Variants in LHFPL3 observed in about 807,000 individuals in gnomAD.
LHFPL3 encodes LHFPL tetraspan subfamily member 3.
Under a neutral mutation model 19.3 loss-of-function variants are expected in LHFPL3, and 5 were observed. That is an observed-to-expected ratio of 0.26 (90% confidence interval 0.14 to 0.54). The LOEUF (loss-of-function observed/expected upper bound fraction) is 0.54, where lower values mean the gene tolerates loss of function less well. Among genes scored for constraint, LHFPL3 ranks in the 20% least tolerant of loss-of-function variants. The pLI is 0.94. For synonymous variants in LHFPL3, 133 were observed against 126.2 expected (o/e 1.05, Z -0.36); for missense variants, 249 against 307.4 (o/e 0.81, Z 1.42).
chr7:104,331,962 GAAAA>G (rs1283099939), intron 1 of LHFPL3, among the ~76,000 whole-genome samples: 2 of 150,652 alleles, frequency 1.3e-5, no homozygotes, highest in Admixed American at 6.6e-5. Flanking sequence ...AAAAAAAAAA[GAAAA>G]AGAAAGTTTA....
intron 2 of LHFPL3, among the ~76,000 whole-genome samples, chr7:104,821,497 A>G (rs1454697836): frequency 1.3e-5 from 2 of 152,218 alleles, no homozygotes; most frequent in African/African-American, 4.8e-5. Context: ...TTATCCCTCA[A>G]GTACATTTAC....
In LHFPL3 at chr7:104,845,485, T is replaced by A. The variant is rs1185227405; in HGVS notation, c.683-60702T>A. 3 of 1,516,100 alleles carry A rather than the reference T, an allele frequency of 2.0e-6. No individual in the cohort carries two copies. In the African/African-American group the frequency reaches 4.2e-5, roughly 21 times the overall value. 93.9% of individuals were successfully genotyped at this position (1,516,100 alleles called of 1,614,324 possible). ...CTCTGTTTTGTGCGCTTCTGCCTTC[T>A]GTTCCCGCATGTTTTCTCCGCTGTT... On this transcript the variant is annotated intron_variant, in intron 2 of 2. Coordinates refer to ENST00000424859, the MANE Select transcript of LHFPL3 (RefSeq NM_199000.3).
chr7:104,769,157 G>A (rs897980542), intron 2 of LHFPL3: 2 of 152,232 alleles, frequency 1.3e-5, no homozygotes, highest in African/African-American at 4.8e-5. Context: ...ATCTATAGAA[G>A]CACAGTTGAG....
intron 2 of LHFPL3, among the ~76,000 whole-genome samples, chr7:104,892,761 A>G (rs1792276777): frequency 6.6e-6 from 1 of 152,014 alleles, no homozygotes; most frequent in Non-Finnish European, 1.5e-5. Context: ...GAGCTCAACT[A>G]ACATTATGGG....
chr7:104,386,033 T>C (rs1375064734), intron 1 of LHFPL3, among the ~76,000 whole-genome samples: 1 of 152,098 alleles, frequency 6.6e-6, no homozygotes, highest in Non-Finnish European at 1.5e-5. Flanking sequence ...TCAAGAAATA[T>C]CGGTAAGAAC....
chr7:104,851,896 A>G (rs1791420836), intron 2 of LHFPL3, among the ~76,000 whole-genome samples: 1 of 151,954 alleles, frequency 6.6e-6, no homozygotes, highest in South Asian at 2.1e-4. Flanking sequence ...TCAAGCCTCT[A>G]TTTTCAAACC....
rs369472862 is a variant in LHFPL3, at chr7:104,353,162, GAAC to G, written c.445+23950_445+23952del. On this transcript the variant is annotated intron_variant, in intron 1 of 2. Transcript: ENST00000424859. The stretch of plus-strand genomic sequence containing the variant: ...ATTTTATTCATTTTATACTACAAAT[GAAC>G]AACAACAACAAAAAAGCCAGCATAT... Among the ~76,000 whole-genome samples, 292 of 152,212 alleles carry G rather than the reference GAAC, an allele frequency of 1.9e-3. 1 individual carries two copies. The highest frequency in any genetic ancestry group is 6.6e-3 in the African/African-American group (276 of 41,536).
At chr7:104,662,932 T>A (rs377100960) in intron 1 of LHFPL3, among the ~76,000 whole-genome samples, 2 of 152,222 alleles carry the variant, frequency 1.3e-5, no homozygotes, top group Non-Finnish European at 2.9e-5. Context: ...ATTTCAAATG[T>A]CATGACCATC....
At chr7:104,897,763 T>C (rs1003376874) in intron 2 of LHFPL3, among the ~76,000 whole-genome samples, 4 of 152,306 alleles carry the variant, frequency 2.6e-5, no homozygotes, top group African/African-American at 9.6e-5. Flanking sequence ...TATTGTAAAT[T>C]CCTTGCTAAA....
At chr7:104,566,168 A>G (rs1178212920) in intron 1 of LHFPL3, among the ~76,000 whole-genome samples, 1 of 152,152 alleles carries the variant, frequency 6.6e-6, no homozygotes, top group Admixed American at 6.5e-5. Context: ...CAACATAGTC[A>G]GAACTAAACT....
chr7:104,460,002 T>G (rs541543540), intron 1 of LHFPL3, among the ~76,000 whole-genome samples: 1 of 152,248 alleles, frequency 6.6e-6, no homozygotes, highest in South Asian at 2.1e-4. Context: ...GATCCTCTCC[T>G]TCTTCTTACC....
intron 2 of LHFPL3, among the ~76,000 whole-genome samples, chr7:104,754,909 G>T (rs1794253804): frequency 6.6e-6 from 1 of 152,002 alleles, no homozygotes; most frequent in African/African-American, 2.4e-5. Context: ...TGCTACAGAA[G>T]TTCTCACTTT....
chr7:104,365,787 C>CCAAAA (rs1554381840), intron 1 of LHFPL3, among the ~76,000 whole-genome samples: 1 of 49,974 alleles, frequency 2.0e-5, no homozygotes, highest in Non-Finnish European at 3.8e-5. Context: ...GACTCCGTCT[C>CCAAAA]AAAAAAAAAA....
At chr7:104,575,380 A>T (rs543202210) in intron 1 of LHFPL3, among the ~76,000 whole-genome samples, 26 of 152,226 alleles carry the variant, frequency 1.7e-4, no homozygotes, top group African/African-American at 6.0e-4. Context: ...CCTCGAAAAT[A>T]AATTCTGAGC....
At chr7:104,626,032 G>T (rs954879653) in intron 1 of LHFPL3, among the ~76,000 whole-genome samples, 3 of 152,154 alleles carry the variant, frequency 2.0e-5, no homozygotes, top group African/African-American at 7.2e-5. Flanking sequence ...CATATATTCA[G>T]TAAGAATAAA....
chr7:104,657,883 GAAT>G (rs1290385166), intron 1 of LHFPL3, among the ~76,000 whole-genome samples: 20 of 152,182 alleles, frequency 1.3e-4, no homozygotes, highest in African/African-American at 4.1e-4. Flanking sequence ...TTTGACAACT[GAAT>G]AATATCTCGT....
intron 2 of LHFPL3, among the ~76,000 whole-genome samples, chr7:104,853,095 G>A (rs1791441493): frequency 6.6e-6 from 1 of 152,254 alleles, no homozygotes. Context: ...TGGCAGTGCT[G>A]CAGTGTGTCT....
chr7:104,623,301 A>G (rs1350797543), intron 1 of LHFPL3, among the ~76,000 whole-genome samples: 3 of 151,924 alleles, frequency 2.0e-5, no homozygotes, highest in Non-Finnish European at 4.4e-5. Context: ...AAAGGTAGCC[A>G]TATTTTCTGA....
At chr7:104,612,289 A>T (rs1791226536) in intron 1 of LHFPL3, among the ~76,000 whole-genome samples, 4 of 152,260 alleles carry the variant, frequency 2.6e-5, no homozygotes, top group East Asian at 1.9e-4. Context: ...TAAACTGCTG[A>T]TTATAGCCAT....
Sources: allele counts gnomAD v4.1 joint callset (sites outside exome capture counted in the v4.1 genomes callset), GRCh38; gene constraint gnomAD v4.1.1; transcripts MANE v1.5; gene names NCBI Gene and HGNC (gene_info 2026-07-23, HGNC 2026-07-21).